The following FCHSD2 variants were observed in gnomAD, a reference collection of about 807,000 sequenced individuals.
FCHSD2 encodes F-BAR and double SH3 domains protein 2.
A neutral mutation model predicts 108.1 loss-of-function variants in FCHSD2; 38 were observed. That is an observed-to-expected ratio of 0.35 (90% CI 0.27 to 0.46). FCHSD2 has a LOEUF of 0.46. Among genes scored for constraint, FCHSD2 ranks in the 20% least tolerant of loss-of-function variants. FCHSD2 has a pLI of 1.00. For missense variants in FCHSD2, 751 were observed against 897.8 expected (o/e 0.84, Z 2.09); for synonymous variants, 279 against 314.7 (o/e 0.89, Z 1.20).
chr11:72,920,511 G>C (rs1407355365), intron 9 of FCHSD2, among the ~76,000 whole-genome samples: 1 of 152,092 alleles, frequency 6.6e-6, no homozygotes, highest in Non-Finnish European at 1.5e-5. Context: ...GAGGCAAGGC[G>C]GGTGGACCAC....
intron 10 of FCHSD2, among the ~76,000 whole-genome samples, chr11:72,900,770 C>T (rs1227338430): frequency 6.6e-6 from 1 of 151,872 alleles, no homozygotes; most frequent in Non-Finnish European, 1.5e-5. Context: ...AACAGAGCTA[C>T]TTAAAGTATA....
At chr11:72,902,673 T>C (rs1022485608) in intron 9 of FCHSD2, 35 bp from the exon 10 acceptor site, 27 of 1,343,852 alleles carry the variant, frequency 2.0e-5, no homozygotes, top group Non-Finnish European at 2.7e-5. Flanking sequence ...AGGTCTTTAA[T>C]GAGGTTAAAA....
At chr11:73,085,418 T>C (rs1039526657) in intron 2 of FCHSD2, among the ~76,000 whole-genome samples, 20 of 152,186 alleles carry the variant, frequency 1.3e-4, no homozygotes, top group African/African-American at 4.8e-4. Context: ...TGACCACTGT[T>C]GTTGCACTTC....
chr11:72,929,946 T>G (rs7107376), intron 8 of FCHSD2, among the ~76,000 whole-genome samples: 34,279 of 152,166 alleles, frequency 0.23, 4,634 homozygotes, highest in Middle Eastern at 0.37. Flanking sequence ...GAGAAGGGTC[T>G]GAGCTACAAA....
intron 3 of FCHSD2, among the ~76,000 whole-genome samples, chr11:73,016,293 GCT>G (rs1230169855): frequency 2.0e-5 from 3 of 147,312 alleles, no homozygotes; most frequent in Non-Finnish European, 3.0e-5. Context: ...ACAGAGTGAG[GCT>G]CTGTCTCAAA....
chr11:73,014,110 A>AATC (rs1296841003), intron 4 of FCHSD2, among the ~76,000 whole-genome samples: 1 of 150,708 alleles, frequency 6.6e-6, no homozygotes, highest in African/African-American at 2.4e-5. Flanking sequence ...TCCTTAAGAA[A>AATC]ATCTGTGTGG....
At chr11:72,953,294 A>G (rs1856651356) in intron 8 of FCHSD2, among the ~76,000 whole-genome samples, 1 of 152,220 alleles carries the variant, frequency 6.6e-6, no homozygotes. Flanking sequence ...GGTGATGAGT[A>G]TACTTCCCAT....
intron 8 of FCHSD2, among the ~76,000 whole-genome samples, chr11:72,968,824 T>C (rs544748739): frequency 6.8e-4 from 104 of 152,332 alleles, no homozygotes; most frequent in African/African-American, 2.5e-3. Flanking sequence ...GGTTCATCCT[T>C]TGACCAACAC....
chr11:72,858,241 T>C (rs1252605611), intron 13 of FCHSD2, among the ~76,000 whole-genome samples: 1 of 152,170 alleles, frequency 6.6e-6, no homozygotes, highest in Non-Finnish European at 1.5e-5. Context: ...TCACTCCAAA[T>C]ACAACATGAG....
Position 72,902,577 on chromosome 11 carries a change from TG to T in FCHSD2, c.889del (p.Gln297SerfsTer16). 6.3e-7 allele frequency: 1 copy of T among 1,589,648 alleles called. No individual in the cohort carries two copies. Among genetic ancestry groups the T allele is most frequent in the Non-Finnish European group, 8.6e-7 (1 of 1,167,240 alleles). On this transcript the variant is annotated frameshift_variant, in exon 10 of 20. Transcript: ENST00000409418. LOFTEE classifies it high-confidence loss of function. ...GTCACAAGGCTGGAACTGGAAGGGCTGGGGTTTGTGAAATACAGCGTTTTCT... is the reference window on the plus strand; with the variant it reads ...GTCACAAGGCTGGAACTGGAAGGGCTGGGTTTGTGAAATACAGCGTTTTCT... ...LQENAVFHKP[Q>X]PFQFQPCDSD...
chr11:72,858,384 T>C (rs1002870379), intron 13 of FCHSD2, among the ~76,000 whole-genome samples: 4 of 152,150 alleles, frequency 2.6e-5, no homozygotes, highest in Non-Finnish European at 5.9e-5. Context: ...CCATCAATGG[T>C]AGACTGGATA....
intron 2 of FCHSD2, among the ~76,000 whole-genome samples, chr11:73,122,082 A>T (rs1311910271): frequency 6.6e-6 from 1 of 152,138 alleles, no homozygotes; most frequent in Non-Finnish European, 1.5e-5. Flanking sequence ...AGCAAAACCA[A>T]GTAAGAAACA....
intron 12 of FCHSD2, among the ~76,000 whole-genome samples, chr11:72,873,664 GACTT>G (rs1204973580): frequency 2.6e-5 from 4 of 152,136 alleles, no homozygotes; most frequent in Admixed American, 6.5e-5. Context: ...AGGCCACAAA[GACTT>G]ACCCCTGTGG....
At chr11:73,050,427 T>C (rs769299604) in intron 3 of FCHSD2, among the ~76,000 whole-genome samples, 7 of 152,196 alleles carry the variant, frequency 4.6e-5, no homozygotes, top group African/African-American at 1.7e-4. Flanking sequence ...ATAAACCATA[T>C]AGAAAGAATA....
chr11:72,888,112 A>G (rs540681526), intron 11 of FCHSD2, among the ~76,000 whole-genome samples: 44 of 152,376 alleles, frequency 2.9e-4, no homozygotes, highest in African/African-American at 9.1e-4. Context: ...GGTAAAGAAT[A>G]AGAAAACAAG....
chr11:72,843,561 T>G (rs1167037459), intron 14 of FCHSD2, 29 bp from the exon 15 acceptor site: 2 of 1,539,984 alleles, frequency 1.3e-6, no homozygotes, highest in East Asian at 4.5e-5. Context: ...ATGGACAAAA[T>G]TAAAAAGGTT....
chr11:73,058,718 C>T (rs1859091454), intron 3 of FCHSD2, among the ~76,000 whole-genome samples: 1 of 151,712 alleles, frequency 6.6e-6, no homozygotes, highest in South Asian at 2.1e-4. Flanking sequence ...GCCTCAGCCT[C>T]CCGAGTACCT....
chr11:73,110,155 T>C (rs1241875251), intron 2 of FCHSD2, among the ~76,000 whole-genome samples: 1 of 147,786 alleles, frequency 6.8e-6, no homozygotes, highest in Admixed American at 6.7e-5. Context: ...TTCTTCTTTT[T>C]TTTTTTGATG....
intron 8 of FCHSD2, among the ~76,000 whole-genome samples, chr11:72,974,270 G>A (rs185824047): frequency 6.6e-6 from 1 of 152,312 alleles, no homozygotes. Context: ...AAGAGCAACA[G>A]AACACAAGAG....
Sources: allele counts gnomAD v4.1 joint callset (sites outside exome capture counted in the v4.1 genomes callset), GRCh38; gene constraint gnomAD v4.1.1; transcripts MANE v1.5; gene names NCBI Gene and HGNC (gene_info 2026-07-23, HGNC 2026-07-21).